Variants in BACE2 observed in about 807,000 individuals in gnomAD.
BACE2 encodes beta-secretase 2, also known as 56 kDa aspartic-like protease.
Under a neutral mutation model 46.2 loss-of-function variants are expected in BACE2, and 17 were observed. The observed-to-expected ratio is 0.37, with a 90% CI of 0.25 to 0.55. The LOEUF is 0.55. BACE2 is among the 20% of genes least tolerant of loss of function. The pLI is 0.82. For missense variants in BACE2, 595 were observed against 698.1 expected, an observed-to-expected ratio of 0.85 and a Z score of 1.66; for synonymous variants, 277 against 295.9, an observed-to-expected ratio of 0.94 and a Z score of 0.66.
chr21:41,236,189 G>A (rs775668990), intron 2 of BACE2, among the ~76,000 whole-genome samples: 3 of 152,192 alleles, frequency 2.0e-5, no homozygotes, highest in Non-Finnish European at 4.4e-5. Flanking sequence ...AATGGGCATA[G>A]GAATGACCTT....
intron 1 of BACE2, among the ~76,000 whole-genome samples, chr21:41,173,588 A>G (rs576208553): frequency 3.9e-5 from 6 of 152,120 alleles, no homozygotes; most frequent in Non-Finnish European, 7.4e-5. Flanking sequence ...TCTACTAAAA[A>G]TATGAAAATT....
chr21:41,236,046 A>T (rs1271569663), intron 2 of BACE2, among the ~76,000 whole-genome samples: 2 of 152,200 alleles, frequency 1.3e-5, no homozygotes, highest in African/African-American at 2.4e-5. Context: ...CTTTAGTATG[A>T]TCTACTGGGT....
chr21:41,220,271 G>C (rs903079407), intron 1 of BACE2, among the ~76,000 whole-genome samples: 3 of 152,162 alleles, frequency 2.0e-5, no homozygotes, highest in Non-Finnish European at 4.4e-5. Flanking sequence ...AATGAACCCT[G>C]TTCTTTTGGG....
At chr21:41,225,220 C>T (rs1219364000) in intron 1 of BACE2, among the ~76,000 whole-genome samples, 1 of 145,602 alleles carries the variant, frequency 6.9e-6, no homozygotes. Context: ...AACGATAGAG[C>T]GAGACTCCAT....
rs1358535684 is a variant in BACE2 at position 41,276,320 on chromosome 21, T to G, written c.*696T>G. 1 of 152,320 alleles carries G rather than the reference T, an allele frequency of 6.6e-6. No individual in the cohort carries two copies. Among genetic ancestry groups the G allele is most frequent in the African/African-American group, 2.4e-5 (1 of 41,458 alleles). The allele number at this position is 152,320 out of a possible 1,614,324, so 9.4% of individuals were successfully genotyped here. A position where few individuals can be genotyped will look rare whatever the true frequency, so the allele number is the denominator to read the frequency against. On this transcript the variant is annotated 3_prime_UTR_variant, in exon 9 of 9. Transcript: ENST00000330333. ...TAGAGGGGAAGGAAATCTCCTCTTT[T>G]GTACCCAATACTTATGTTGTATTGT...
intron 8 of BACE2, among the ~76,000 whole-genome samples, chr21:41,264,861 A>G (rs566057171): frequency 6.2e-4 from 94 of 152,252 alleles, no homozygotes; most frequent in South Asian, 2.7e-3. Context: ...GAGCATACCT[A>G]TGGTTCCAGC....
intron 1 of BACE2, among the ~76,000 whole-genome samples, chr21:41,213,723 A>C (rs1400435783): frequency 6.6e-6 from 1 of 152,050 alleles, no homozygotes; most frequent in African/African-American, 2.4e-5. Context: ...GCAGTGAGCC[A>C]AGATCGCGCC....
In BACE2 at chr21:41,280,766, A is replaced by C. The variant is rs1216071756; in HGVS notation, c.*5142A>C. 1 of 152,286 alleles carries C rather than the reference A, an allele frequency of 6.6e-6. No individual in the cohort carries two copies. The highest frequency in any genetic ancestry group is 1.5e-5 in the Non-Finnish European group (1 of 68,062). The allele number at this position is 152,286 out of a possible 1,614,324, so 9.4% of individuals were successfully genotyped here. Reference sequence around the variant, plus strand: ...TTGGGGATACGTAACTCCCAGCAATAAATCCAGTATTTTCTTCCCTGCCCT... The same window carrying C: ...TTGGGGATACGTAACTCCCAGCAATCAATCCAGTATTTTCTTCCCTGCCCT... On this transcript the variant is annotated 3_prime_UTR_variant, in exon 9 of 9. Coordinates refer to ENST00000330333, the MANE Select transcript of BACE2 (RefSeq NM_012105.5).
rs2088517903 is a variant in BACE2, at chr21:41,278,969, T to C, written c.*3345T>C. 1 of 152,178 alleles carries C rather than the reference T, an allele frequency of 6.6e-6. No homozygotes were observed. 9.4% of individuals were successfully genotyped at this position (152,178 alleles called of 1,614,324 possible). A position where few individuals can be genotyped will look rare whatever the true frequency, so the allele number is the denominator to read the frequency against. ...TGTGTTTTCTCTTGCACAAACTTAT[T>C]AGACTTGATTAGAAAACTGTTTGGA... On this transcript the variant is annotated 3_prime_UTR_variant, in exon 9 of 9. Coordinates refer to ENST00000330333, the MANE Select transcript of BACE2 (RefSeq NM_012105.5).
At chr21:41,185,395 G>A (rs1027539278) in intron 1 of BACE2, among the ~76,000 whole-genome samples, 6 of 152,150 alleles carry the variant, frequency 3.9e-5, no homozygotes, top group Admixed American at 3.3e-4. Context: ...CAGTAGTGGA[G>A]ATACTGAAAA....
intron 2 of BACE2, among the ~76,000 whole-genome samples, chr21:41,227,426 G>C (rs1285488960): frequency 1.3e-5 from 2 of 152,192 alleles, no homozygotes; most frequent in Admixed American, 1.3e-4. Flanking sequence ...CAAAAGGAGG[G>C]GGAAAGAATA....
intron 2 of BACE2, among the ~76,000 whole-genome samples, chr21:41,231,397 C>A (rs1364428553): frequency 2.6e-5 from 4 of 152,088 alleles, no homozygotes; most frequent in Non-Finnish European, 5.9e-5. Flanking sequence ...GATTTCAGAC[C>A]CTGAGAGCCC....
chr21:41,170,342 A>G, intron 1 of BACE2, among the ~76,000 whole-genome samples: 1 of 152,180 alleles, frequency 6.6e-6, no homozygotes, highest in East Asian at 1.9e-4. Context: ...TCCTGTCTTT[A>G]CCGTAGCCAA....
intron 2 of BACE2, among the ~76,000 whole-genome samples, chr21:41,226,957 G>T (rs555721768): frequency 1.3e-5 from 2 of 152,204 alleles, no homozygotes; most frequent in Non-Finnish European, 2.9e-5. Flanking sequence ...AGAAAAAAAA[G>T]TGTAGCCTGA....
At chr21:41,263,140 G>A (rs2123638551) in intron 8 of BACE2, among the ~76,000 whole-genome samples, 1 of 152,182 alleles carries the variant, frequency 6.6e-6, no homozygotes, top group Admixed American at 6.5e-5. Context: ...CCTAAATTTA[G>A]GGATTTCCAG....
chr21:41,268,189 G>T (rs2088398595), intron 8 of BACE2, among the ~76,000 whole-genome samples: 1 of 152,152 alleles, frequency 6.6e-6, no homozygotes, highest in African/African-American at 2.4e-5. Context: ...ACTGGTAGGG[G>T]CTGTTATTAC....
chr21:41,244,550 ACTGG>A (rs1987404129), intron 5 of BACE2, among the ~76,000 whole-genome samples: 1 of 69,570 alleles, frequency 1.4e-5, no homozygotes. Flanking sequence ...TAAGGCAGGG[ACTGG>A]CCATTTTCAC....
At chr21:41,246,370 C>T (rs762679538) in intron 6 of BACE2, 1 of 174,230 alleles carries the variant, frequency 5.7e-6, no homozygotes, top group Non-Finnish European at 1.2e-5. Flanking sequence ...TCTGAATGTG[C>T]AATGCCCTCT....
chr21:41,275,789 ATTTTC>A lies in BACE2; in HGVS notation c.*166_*170del, dbSNP rs200710263. ...TAGATTCACTGTCTTTTGATTCTTGATTTTCAAGCTTTCAAATCCTCCCTACTTCC... is the reference window on the plus strand; with the variant it reads ...TAGATTCACTGTCTTTTGATTCTTGAAAGCTTTCAAATCCTCCCTACTTCC... On this transcript the variant is annotated 3_prime_UTR_variant, in exon 9 of 9. Coordinates refer to ENST00000330333, the MANE Select transcript of BACE2 (RefSeq NM_012105.5). The A allele has an allele frequency of 2.9e-3, 2,425 of 830,476 alleles. 37 individuals are homozygous for A. The African/African-American group carries it at 0.037, about 13-fold the overall frequency. 51.4% of individuals were successfully genotyped at this position (830,476 alleles called of 1,614,324 possible).
Sources: allele counts gnomAD v4.1 joint callset (sites outside exome capture counted in the v4.1 genomes callset), GRCh38; gene constraint gnomAD v4.1.1; transcripts MANE v1.5; gene names NCBI Gene and HGNC (gene_info 2026-07-23, HGNC 2026-07-21).